The following EPM2A variants were observed in gnomAD, a reference collection of about 807,000 sequenced individuals.
EPM2A encodes the protein laforin.
EPM2A carries 21 observed loss-of-function variants against 26.5 expected under a neutral mutation model. That is an observed-to-expected ratio of 0.79 (90% confidence interval 0.56 to 1.14). The LOEUF (loss-of-function observed/expected upper bound fraction) is 1.14, where lower values mean the gene tolerates loss of function less well. EPM2A is among the 50% of genes most tolerant of loss of function. The pLI is 0.00. For missense variants in EPM2A, 458 were observed against 440.8 expected (o/e 1.04, Z -0.35); for synonymous variants, 217 against 177.6 (o/e 1.22, Z -1.76).
chr6:145,574,795 C>T (rs1484552482), intron 2 of EPM2A, among the ~76,000 whole-genome samples: 1 of 152,188 alleles, frequency 6.6e-6, no homozygotes, highest in Admixed American at 6.5e-5. Flanking sequence ...TGAGCTGCAA[C>T]ATTAAATGAA....
At chr6:145,562,398 G>T (rs537350766) in intron 2 of EPM2A, among the ~76,000 whole-genome samples, 28 of 152,188 alleles carry the variant, frequency 1.8e-4, no homozygotes, top group African/African-American at 6.7e-4. Context: ...GGAGCCTTTG[G>T]TATAGCTGGG....
chr6:145,592,103 T>A (rs1243969312), intron 2 of EPM2A, among the ~76,000 whole-genome samples: 1 of 151,756 alleles, frequency 6.6e-6, no homozygotes, highest in East Asian at 1.9e-4. Flanking sequence ...GTTGGTGTGC[T>A]GCACCCGTTA....
At chr6:145,511,991 A>G (rs768444270) in intron 2 of EPM2A, among the ~76,000 whole-genome samples, 1 of 152,222 alleles carries the variant, frequency 6.6e-6, no homozygotes, top group Non-Finnish European at 1.5e-5. Flanking sequence ...AGCCAAATCA[A>G]GAACATAATG....
intron 4 of EPM2A, among the ~76,000 whole-genome samples, chr6:145,398,304 G>T (rs370386303): frequency 1.3e-5 from 2 of 152,060 alleles, no homozygotes; most frequent in African/African-American, 2.4e-5. Context: ...AATCCCAAAA[G>T]CTTGCCTGAT....
downstream of EPM2A, among the ~76,000 whole-genome samples, chr6:145,620,325 C>T (rs561940976): frequency 2.6e-5 from 4 of 152,108 alleles, no homozygotes; most frequent in African/African-American, 9.7e-5. Context: ...AATCTGATGC[C>T]GCTGCTGATC....
chr6:145,708,697 G>A (rs117850795), intron 1 of EPM2A, among the ~76,000 whole-genome samples: 3,428 of 152,302 alleles, frequency 0.023, 48 homozygotes, highest in Admixed American at 0.031. Context: ...ACCTCTGCTA[G>A]GGCAGTGCAG....
Position 145,385,170 on chromosome 6 carries a change from G to A in EPM2A, c.556-1073C>T, listed in dbSNP as rs1279161413. On this transcript the variant is annotated intron_variant, in intron 4 of 4. Transcript: ENST00000638717. ...CACTTATACCCATTTAAAAAATAAC[G>A]TGGAGACCTATGGGAGCTGGTGTAC... Among the ~76,000 whole-genome samples, 12 of 147,466 alleles carry A rather than the reference G, an allele frequency of 8.1e-5. 2 individuals carry two copies. Among genetic ancestry groups the A allele is most frequent in the Non-Finnish European group, 7.5e-5 (5 of 66,756 alleles).
At chr6:145,732,043 G>A (rs1562531040) in intron 1 of EPM2A, among the ~76,000 whole-genome samples, 1 of 152,130 alleles carries the variant, frequency 6.6e-6, no homozygotes, top group African/African-American at 2.4e-5. Context: ...AGGAATTTGA[G>A]GGCTCAGATA....
intron 1 of EPM2A, chr6:145,721,035 T>C (rs1583124553): frequency 6.6e-6 from 1 of 152,174 alleles, no homozygotes; most frequent in Non-Finnish European, 1.5e-5. Flanking sequence ...TGGTGAAACA[T>C]GCCTGTGGTT....
intron 2 of EPM2A, among the ~76,000 whole-genome samples, chr6:145,516,401 A>C (rs1247040183): frequency 6.6e-6 from 1 of 152,212 alleles, no homozygotes; most frequent in Non-Finnish European, 1.5e-5. Context: ...CTAGATGTCA[A>C]GATGAACTAG....
At chr6:145,734,233 G>A (rs1776679378) in intron 1 of EPM2A, among the ~76,000 whole-genome samples, 1 of 152,060 alleles carries the variant, frequency 6.6e-6, no homozygotes. Context: ...ATAATTTGTT[G>A]CCATTTAAAA....
intron 4 of EPM2A, chr6:145,463,180 T>C (rs1020253872): frequency 2.7e-5 from 4 of 150,326 alleles, no homozygotes; most frequent in Admixed American, 6.7e-5. Context: ...TTTTCTTTTA[T>C]TTGCTTTTGT....
At chr6:145,404,913 G>C (rs1207165182) in intron 4 of EPM2A, among the ~76,000 whole-genome samples, 1 of 152,052 alleles carries the variant, frequency 6.6e-6, no homozygotes, top group African/African-American at 2.4e-5. Flanking sequence ...TGAAATATAA[G>C]CAAATTGATC....
At chr6:145,582,806 G>C (rs1032336518) in intron 2 of EPM2A, among the ~76,000 whole-genome samples, 1 of 151,950 alleles carries the variant, frequency 6.6e-6, no homozygotes, top group Non-Finnish European at 1.5e-5. Flanking sequence ...TCATAGATTT[G>C]GTCTGTTTAC....
At chr6:145,422,777 A>G (rs1460060479) in intron 4 of EPM2A, among the ~76,000 whole-genome samples, 1 of 152,068 alleles carries the variant, frequency 6.6e-6, no homozygotes, top group African/African-American at 2.4e-5. Context: ...CCTATTCCTT[A>G]GGTTGTTTTC....
intron 1 of EPM2A, among the ~76,000 whole-genome samples, chr6:145,713,958 T>G (rs959451951): frequency 3.3e-5 from 5 of 152,122 alleles, no homozygotes; most frequent in African/African-American, 1.2e-4. Flanking sequence ...AACATTAACA[T>G]TAGTGAAAGC....
rs9497376 is a variant in EPM2A, at chr6:145,628,017, A to G, written c.719-324T>C. On this transcript the variant is annotated intron_variant, in intron 3 of 3. Transcript: ENST00000367519. The stretch of plus-strand genomic sequence containing the variant: ...TCGCCTGTCATCAGAATGCACTTTC[A>G]CATGAAGTTTTTGCAGAGATTGGTC... The G allele has an allele frequency of 8.0e-3, 2,604 of 324,460 alleles. 52 individuals carry two copies. Among genetic ancestry groups the G allele is most frequent in the African/African-American group, 0.049 (2,339 of 47,744 alleles). The allele number at this position is 324,460 out of a possible 1,614,324, so 20.1% of individuals were successfully genotyped here. A position where few individuals can be genotyped will look rare whatever the true frequency, so the allele number is the denominator to read the frequency against.
intron 2 of EPM2A, among the ~76,000 whole-genome samples, chr6:145,516,091 A>G (rs939773591): frequency 1.3e-5 from 2 of 152,204 alleles, no homozygotes; most frequent in Non-Finnish European, 2.9e-5. Flanking sequence ...TAATTAACCA[A>G]AAGTTACCAT....
At chr6:145,555,680 G>T (rs1780719458) in intron 2 of EPM2A, among the ~76,000 whole-genome samples, 1 of 151,940 alleles carries the variant, frequency 6.6e-6, no homozygotes, top group Non-Finnish European at 1.5e-5. Context: ...CTTACAAATA[G>T]TTGTGTGTGC....
Sources: gnomAD v4.1 joint callset for allele counts (sites outside exome capture counted in the v4.1 genomes callset) on GRCh38, gnomAD v4.1.1 for gene constraint, MANE v1.5 for transcripts, NCBI Gene and HGNC (gene_info 2026-07-23, HGNC 2026-07-21) for gene names.